Variants in FOXP1 observed in about 807,000 individuals in gnomAD.
The protein encoded by FOXP1 is forkhead box protein P1.
FOXP1 carries 15 observed loss-of-function variants against 98.2 expected under a neutral mutation model. The ratio of observed to expected loss-of-function variants is 0.15; its 90% CI spans 0.10 to 0.24. The LOEUF (loss-of-function observed/expected upper bound fraction) is 0.24. Among genes scored for constraint, FOXP1 ranks in the 10% least tolerant of loss-of-function variants. The pLI is 1.00. For missense variants in FOXP1, 633 were observed against 848.5 expected (o/e 0.75, Z 3.15); for synonymous variants, 371 against 314.5 (o/e 1.18, Z -1.90).
intron 5 of FOXP1, among the ~76,000 whole-genome samples, chr3:71,200,090 A>AG (rs2063573183): frequency 6.6e-6 from 1 of 151,110 alleles, no homozygotes; most frequent in African/African-American, 2.4e-5. Context: ...TCACAAAAAA[A>AG]AAAAAAAAAA....
At chr3:71,551,049 T>C (rs1176957702) in intron 2 of FOXP1, among the ~76,000 whole-genome samples, 1 of 152,188 alleles carries the variant, frequency 6.6e-6, no homozygotes, top group Non-Finnish European at 1.5e-5. Flanking sequence ...CAGGAAACAC[T>C]GAGAAAACTG....
At chr3:71,001,787 T>C (rs2042154762) in intron 12 of FOXP1, among the ~76,000 whole-genome samples, 1 of 152,176 alleles carries the variant, frequency 6.6e-6, no homozygotes, top group African/African-American at 2.4e-5. Flanking sequence ...TCAATCAGTT[T>C]TAGCATACGC....
intron 3 of FOXP1, among the ~76,000 whole-genome samples, chr3:71,408,082 A>T (rs2082478185): frequency 6.6e-6 from 1 of 152,240 alleles, no homozygotes; most frequent in Admixed American, 6.5e-5. Flanking sequence ...CATTAAAGTT[A>T]TTCCGGAGGC....
chr3:71,206,616 A>G (rs991939969), intron 5 of FOXP1, among the ~76,000 whole-genome samples: 4 of 152,194 alleles, frequency 2.6e-5, no homozygotes, highest in Non-Finnish European at 4.4e-5. Context: ...CATATTTCCA[A>G]GGAAAAAAAG....
intron 13 of FOXP1, among the ~76,000 whole-genome samples, chr3:70,989,797 C>T (rs1559655566): frequency 6.6e-6 from 1 of 152,092 alleles, no homozygotes; most frequent in Non-Finnish European, 1.5e-5. Flanking sequence ...TTAATTGTGA[C>T]TTAATTTGGG....
rs1453279442 is a variant in FOXP1, at chr3:71,236,275, AG to A, written c.-11-37884del. Among the ~76,000 whole-genome samples the A allele has an allele frequency of 3.3e-5, 5 of 152,322 alleles. No homozygotes were observed. In the East Asian group the frequency reaches 9.6e-4, roughly 29 times the overall value. On this transcript the variant is annotated intron_variant, in intron 5 of 20. Coordinates refer to ENST00000649528, the MANE Select transcript of FOXP1 (RefSeq NM_001349338.3). ...AAGGGCAGGATGTTGAAACAATGGA[AG>A]GGATTACCTCTTTAGTGTTTCCCAT... is the stretch of plus-strand genomic sequence containing the variant.
chr3:71,017,494 T>C (rs140946627), intron 11 of FOXP1, among the ~76,000 whole-genome samples: 12 of 150,128 alleles, frequency 8.0e-5, no homozygotes, highest in East Asian at 2.2e-4. Context: ...TGTAGAAAAC[T>C]TGAAAATCCT....
intron 11 of FOXP1, among the ~76,000 whole-genome samples, chr3:71,038,264 AC>A (rs1201128364): frequency 6.6e-6 from 1 of 152,142 alleles, no homozygotes; most frequent in African/African-American, 2.4e-5. Flanking sequence ...CCCATCGAGC[AC>A]CCCCAGATCA....
chr3:71,576,473 C>G (rs966630877), intron 2 of FOXP1, among the ~76,000 whole-genome samples: 10 of 152,164 alleles, frequency 6.6e-5, no homozygotes, highest in African/African-American at 2.4e-4. Flanking sequence ...GTAGACCTGT[C>G]AAGATATTTA....
chr3:71,186,049 A>T (rs933333136), intron 6 of FOXP1, among the ~76,000 whole-genome samples: 17 of 152,206 alleles, frequency 1.1e-4, no homozygotes, highest in Non-Finnish European at 2.4e-4. Flanking sequence ...TTATCTGTTT[A>T]TGTCTTACTG....
At chr3:71,028,954 C>T (rs765767918) in intron 11 of FOXP1, among the ~76,000 whole-genome samples, 29 of 152,238 alleles carry the variant, frequency 1.9e-4, no homozygotes, top group South Asian at 4.1e-4. Context: ...TGATAGGAGG[C>T]GAAGCTCAGG....
chr3:71,055,319 G>A (rs563234455), intron 7 of FOXP1, among the ~76,000 whole-genome samples: 2 of 152,246 alleles, frequency 1.3e-5, no homozygotes, highest in East Asian at 3.9e-4. Flanking sequence ...TGCCAGTGTC[G>A]TGTGTTTGGA....
intron 5 of FOXP1, among the ~76,000 whole-genome samples, chr3:71,271,824 T>C (rs2070386485): frequency 6.6e-6 from 1 of 152,238 alleles, no homozygotes. Context: ...GTGCTTTCAC[T>C]GGGCTTAAGT....
At chr3:71,577,203 CTAAT>C (rs1489696518) in intron 2 of FOXP1, among the ~76,000 whole-genome samples, 2 of 152,164 alleles carry the variant, frequency 1.3e-5, no homozygotes, top group African/African-American at 4.8e-5. Context: ...AGAACACTGT[CTAAT>C]TGTCTTTCCT....
rs182269555 is a variant in FOXP1 at position 71,356,951 on chromosome 3, T to C, written c.-73+2199A>G. Among the ~76,000 whole-genome samples the C allele has an allele frequency of 3.9e-5, 6 of 152,274 alleles. No homozygotes were observed. In the East Asian group the frequency reaches 1.2e-3, roughly 29 times the overall value. On this transcript the variant is annotated intron_variant, in intron 4 of 20. Coordinates refer to ENST00000649528, the MANE Select transcript of FOXP1 (RefSeq NM_001349338.3). ...CTCACAAGAATCATGTACAGGCCAATTTGGGACAGAAAATTTGGACAGGAG... is the reference window on the plus strand; with the variant it reads ...CTCACAAGAATCATGTACAGGCCAACTTGGGACAGAAAATTTGGACAGGAG...
At chr3:71,313,466 AAGTT>A (rs1368045158) in intron 4 of FOXP1, among the ~76,000 whole-genome samples, 2 of 152,196 alleles carry the variant, frequency 1.3e-5, no homozygotes, top group Admixed American at 6.5e-5. Context: ...CAAGTTTTGA[AAGTT>A]AGGAAAGAAT....
At chr3:71,113,361 AT>A (rs2058093610) in intron 6 of FOXP1, among the ~76,000 whole-genome samples, 2 of 152,208 alleles carry the variant, frequency 1.3e-5, no homozygotes, top group African/African-American at 4.8e-5. Context: ...GGGAGGTAGT[AT>A]GAATTGGAGA....
intron 9 of FOXP1, among the ~76,000 whole-genome samples, chr3:71,051,514 C>T (rs188863440): frequency 1.3e-5 from 2 of 152,282 alleles, no homozygotes; most frequent in East Asian, 1.9e-4. Flanking sequence ...ACAGGGACGT[C>T]GAGTCACCTG....
chr3:71,542,255 C>T (rs1041190474), intron 2 of FOXP1, among the ~76,000 whole-genome samples: 2 of 152,182 alleles, frequency 1.3e-5, no homozygotes, highest in African/African-American at 4.8e-5. Context: ...CACCATAGGT[C>T]TTTTTAGCTC....
Sources: gnomAD v4.1 joint callset for allele counts (sites outside exome capture counted in the v4.1 genomes callset) on GRCh38, gnomAD v4.1.1 for gene constraint, MANE v1.5 for transcripts, NCBI Gene and HGNC (gene_info 2026-07-23, HGNC 2026-07-21) for gene names.